ZNF678: variants seen among roughly 807,000 people sequenced by gnomAD.
ZNF678 encodes the protein hypothetical protein MGC42493.
ZNF678 carries 5 observed loss-of-function variants against 3.0 expected under a neutral mutation model. The observed-to-expected ratio is 1.69, with a 90% CI of 0.88 to 3.56. ZNF678 has a LOEUF of 3.56. ZNF678 is among the 30% of genes most tolerant of loss of function. The pLI, the probability that ZNF678 is intolerant of heterozygous loss-of-function variation, is 0.00. For synonymous variants in ZNF678, 218 were observed against 199.6 expected (o/e 1.09, Z -0.78); for missense variants, 593 against 605.0 (o/e 0.98, Z 0.21).
At chr1:227,588,620 C>T (rs902779280) in intron 1 of ZNF678, among the ~76,000 whole-genome samples, 1 of 151,410 alleles carries the variant, frequency 6.6e-6, no homozygotes, top group African/African-American at 2.4e-5. Context: ...ATGCCTCAAC[C>T]TCCTGAGTAG....
intron 1 of ZNF678, among the ~76,000 whole-genome samples, chr1:227,612,775 A>G (rs1163267207): frequency 1.3e-5 from 2 of 152,170 alleles, no homozygotes; most frequent in Non-Finnish European, 2.9e-5. Context: ...CCCACATGTC[A>G]ACCAGAAAGT....
intron 1 of ZNF678, among the ~76,000 whole-genome samples, chr1:227,592,350 G>A (rs1056250838): frequency 1.8e-4 from 28 of 152,228 alleles, no homozygotes; most frequent in Admixed American, 1.4e-3. Context: ...TGCTAACAGG[G>A]CCATTGCTGC....
intron 1 of ZNF678, among the ~76,000 whole-genome samples, chr1:227,594,870 T>C (rs1657521438): frequency 1.3e-5 from 2 of 152,236 alleles, no homozygotes; most frequent in African/African-American, 4.8e-5. Context: ...AGGTTACTTC[T>C]GAACTGGTGA....
chr1:227,649,537 A>G (rs2102800138), intron 2 of ZNF678, among the ~76,000 whole-genome samples: 1 of 152,302 alleles, frequency 6.6e-6, no homozygotes, highest in East Asian at 1.9e-4. Flanking sequence ...TTTAGAAGAG[A>G]CGAGGTTTCA....
chr1:227,631,034 G>C (rs1658535555), intron 1 of ZNF678, among the ~76,000 whole-genome samples: 1 of 152,130 alleles, frequency 6.6e-6, no homozygotes, highest in African/African-American at 2.4e-5. Context: ...GTCAGGCAGT[G>C]CTGCAGAGGA....
At position 227,598,897 on chromosome 1, in the gene ZNF678, C is replaced by T; in HGVS notation, c.-164+35173C>T. 3 of 698,180 alleles carry T rather than the reference C, an allele frequency of 4.3e-6. No individual in the cohort carries two copies. In the East Asian group the frequency reaches 8.3e-5, roughly 19 times the overall value. The allele number at this position is 698,180 out of a possible 1,614,324, so 43.2% of individuals were successfully genotyped here. On this transcript the variant is annotated intron_variant, in intron 1 of 3. Coordinates refer to ENST00000343776, the MANE Select transcript of ZNF678 (RefSeq NM_001367909.1). ...TTTTCTTTTTTTGTTTTGATGAGCT[C>T]TCACTTCCACTTAACAATTTCTCCC... is the stretch of plus-strand genomic sequence containing the variant.
In ZNF678 at chr1:227,655,839, A is replaced by G. The variant is rs370191080; in HGVS notation, c.*11A>G. ...TGTGGCAGTCTTTAAAAACTGCTTC[A>G]TTATACATGGCTTCACTAATTTCAT... On this transcript the variant is annotated 3_prime_UTR_variant, in exon 4 of 4. Coordinates refer to ENST00000343776, the MANE Select transcript of ZNF678 (RefSeq NM_001367909.1). 164 of 1,548,460 alleles carry G rather than the reference A, an allele frequency of 1.1e-4. No individual in the cohort carries two copies. The African/African-American group carries it at 1.9e-3, about 18-fold the overall frequency.
chr1:227,667,235 C>A (rs970461284), downstream of ZNF678, among the ~76,000 whole-genome samples: 3 of 151,844 alleles, frequency 2.0e-5, no homozygotes, highest in Non-Finnish European at 4.4e-5. Flanking sequence ...AGGGTTTTGC[C>A]ATGTTGCCCA....
chr1:227,582,944 G>A (rs948223664), intron 1 of ZNF678, among the ~76,000 whole-genome samples: 1 of 152,088 alleles, frequency 6.6e-6, no homozygotes, highest in Non-Finnish European at 1.5e-5. Context: ...AGGTTAATTG[G>A]CAATTTCTGA....
intron 5 of ZNF678, among the ~76,000 whole-genome samples, chr1:227,668,064 C>T (rs990367045): frequency 5.3e-5 from 8 of 152,146 alleles, no homozygotes; most frequent in African/African-American, 1.7e-4. Flanking sequence ...TGTTGCAGCT[C>T]TTGAAATGGA....
rs1659219225 is a variant in ZNF678 at position 227,655,536 on chromosome 1, G to A, written c.1286G>A (p.Gly429Glu). 6 of 1,612,630 alleles carry A rather than the reference G, an allele frequency of 3.7e-6. No individual in the cohort carries two copies. Among genetic ancestry groups the A allele is most frequent in the Non-Finnish European group, 5.1e-6 (6 of 1,179,378 alleles). The stretch of plus-strand genomic sequence containing the variant: ...ACTAGCCATAAGAGAATTCATACTG[G>A]AGAGAAACCCTACAAATGTAAAGAA... ...HLTSHKRIHT[G>E]EKPYKCKECG... The change falls in exon 4 of 4, where the codon GGA (glycine) becomes GAA (glutamate). Residue 429 changes from glycine to glutamate, a missense_variant. Transcript: ENST00000343776.
chr1:227,598,928 C>T lies in ZNF678; in HGVS notation c.-164+35204C>T, dbSNP rs551236067. The T allele has an allele frequency of 9.5e-5, 72 of 759,120 alleles. No individual in the cohort carries two copies. The East Asian group carries it at 1.7e-3, about 18-fold the overall frequency. The allele number at this position is 759,120 out of a possible 1,614,324, so 47.0% of individuals were successfully genotyped here. ...TCCACTTAACAATTTCTCCCTGTCT[C>T]TTTCTAGTTCTTTCTTCCAGTTCTC... On this transcript the variant is annotated intron_variant, in intron 1 of 3. Coordinates refer to ENST00000343776, the MANE Select transcript of ZNF678 (RefSeq NM_001367909.1).
In ZNF678 at chr1:227,661,854, C is replaced by G. The variant is rs1203492818; in HGVS notation, c.*6026C>G. The G allele has an allele frequency of 6.6e-6, 1 of 152,248 alleles. No homozygotes were observed. The highest frequency in any genetic ancestry group is 2.4e-5 in the African/African-American group (1 of 41,434). 9.4% of individuals were successfully genotyped at this position (152,248 alleles called of 1,614,324 possible). ...GCCTGCAAAGCTGAAGTCAGGAACC[C>G]ACCAGGATCTCCCTTCTCCCTAGCC... On this transcript the variant is annotated 3_prime_UTR_variant, in exon 4 of 4. Transcript: ENST00000343776.
At chr1:227,676,205 G>C (rs771525961) in intron 5 of ZNF678, among the ~76,000 whole-genome samples, 13 of 152,138 alleles carry the variant, frequency 8.5e-5, no homozygotes, top group Non-Finnish European at 1.9e-4. Context: ...AAAATACTAA[G>C]GCAACAAACC....
chr1:227,679,051 CCTA>C (rs753077111), downstream of ZNF678, among the ~76,000 whole-genome samples: 3 of 151,680 alleles, frequency 2.0e-5, no homozygotes, highest in Non-Finnish European at 4.4e-5. Flanking sequence ...AGCAAGATAA[CCTA>C]CTACTATTAG....
chr1:227,592,935 C>T (rs771310802), intron 1 of ZNF678, among the ~76,000 whole-genome samples: 1 of 152,240 alleles, frequency 6.6e-6, no homozygotes, highest in Non-Finnish European at 1.5e-5. Flanking sequence ...CTGACTGATT[C>T]ATAAGCTCTT....
At chr1:227,629,624 A>G (rs1658501508) in intron 1 of ZNF678, among the ~76,000 whole-genome samples, 2 of 152,234 alleles carry the variant, frequency 1.3e-5, no homozygotes, top group Admixed American at 6.5e-5. Flanking sequence ...ATGGTTAAGC[A>G]TACCTGGGGC....
At chr1:227,583,313 A>G (rs16847966) in intron 1 of ZNF678, among the ~76,000 whole-genome samples, 32,452 of 150,658 alleles carry the variant, frequency 0.22, 3,898 homozygotes, top group East Asian at 0.44. Context: ...CAACAATTCA[A>G]TAAGTCCATT....
chr1:227,644,281 T>C (rs1160956040), intron 1 of ZNF678, among the ~76,000 whole-genome samples: 1 of 152,228 alleles, frequency 6.6e-6, no homozygotes, highest in East Asian at 1.9e-4. Context: ...CTCGGGGTTT[T>C]ATGAAGATTA....
Sources: allele counts gnomAD v4.1 joint callset (sites outside exome capture counted in the v4.1 genomes callset), GRCh38; gene constraint gnomAD v4.1.1; transcripts MANE v1.5; gene names NCBI Gene and HGNC (gene_info 2026-07-23, HGNC 2026-07-21).